Variants in RERE observed in about 807,000 individuals in gnomAD.
The protein encoded by RERE is arginine-glutamic acid dipeptide repeats, also known as arginine-glutamic acid dipeptide repeats protein.
Under a neutral mutation model 146.1 loss-of-function variants are expected in RERE, and 40 were observed. The ratio of observed to expected loss-of-function variants is 0.27; its 90% CI spans 0.21 to 0.36. The LOEUF is 0.36. RERE is among the 10% of genes least tolerant of loss of function. The probability of loss-of-function intolerance (pLI) is 1.00; values close to 1 mark genes in which losing one functional copy is unlikely to be tolerated. For missense variants in RERE, 1,933 were observed against 2,138.7 expected, an observed-to-expected ratio of 0.90 and a Z score of 1.90; for synonymous variants, 1,003 against 866.0, an observed-to-expected ratio of 1.16 and a Z score of -2.78.
intron 7 of RERE, chr1:8,525,917 G>C: frequency 7.2e-7 from 1 of 1,395,332 alleles, no homozygotes; most frequent in East Asian, 2.9e-5. Context: ...AGCTTTCACT[G>C]AGCTTGTGCT....
chr1:8,570,648 G>C (rs1570452872), intron 4 of RERE, among the ~76,000 whole-genome samples: 2 of 152,130 alleles, frequency 1.3e-5, no homozygotes, highest in Non-Finnish European at 2.9e-5. Context: ...GTGAAAAAAA[G>C]CAAATGACGT....
At chr1:8,468,304 A>T (rs1351127420) in intron 10 of RERE, among the ~76,000 whole-genome samples, 1 of 152,226 alleles carries the variant, frequency 6.6e-6, no homozygotes, top group Non-Finnish European at 1.5e-5. Context: ...CTTCTTTCAG[A>T]CGTATAAAAA....
At chr1:8,470,651 T>C (rs1387565182) in intron 10 of RERE, among the ~76,000 whole-genome samples, 1 of 152,050 alleles carries the variant, frequency 6.6e-6, no homozygotes, top group African/African-American at 2.4e-5. Context: ...CTGGCTGTTC[T>C]GGTGTGCCCT....
intron 1 of RERE, among the ~76,000 whole-genome samples, chr1:8,712,940 T>C (rs1014792697): frequency 1.3e-5 from 2 of 152,212 alleles, no homozygotes; most frequent in African/African-American, 4.8e-5. Context: ...TGGTTGCAGT[T>C]TGCAGTCAGC....
chr1:8,493,387 A>G (rs1645003438), intron 10 of RERE, among the ~76,000 whole-genome samples: 1 of 152,234 alleles, frequency 6.6e-6, no homozygotes, highest in South Asian at 2.1e-4. Flanking sequence ...CAAACACACA[A>G]TATTTATGAC....
At chr1:8,791,145 A>C (rs1641356329) in intron 1 of RERE, among the ~76,000 whole-genome samples, 1 of 152,218 alleles carries the variant, frequency 6.6e-6, no homozygotes, top group South Asian at 2.1e-4. Flanking sequence ...AATGACATGG[A>C]AAATCCCACT....
rs368768182 is a variant in RERE at position 8,366,101 on chromosome 1, G to A, written c.1285-127C>T. 12 of 997,228 alleles carry A rather than the reference G, an allele frequency of 1.2e-5. No homozygotes were observed. The Admixed American group carries it at 1.5e-4, about 13-fold the overall frequency. The allele number at this position is 997,228 out of a possible 1,614,324, so 61.8% of individuals were successfully genotyped here. A position where few individuals can be genotyped will look rare whatever the true frequency, so the allele number is the denominator to read the frequency against. On this transcript the variant is annotated intron_variant, in intron 12 of 22. Transcript: ENST00000400908. ...CCAGAGATGAGAATAAAGACCAGTCGCTCCTGGAGTTGGGAGAGGAACTGG... is the reference window on the plus strand; with the variant it reads ...CCAGAGATGAGAATAAAGACCAGTCACTCCTGGAGTTGGGAGAGGAACTGG...
intron 8 of RERE, among the ~76,000 whole-genome samples, chr1:8,501,556 G>A (rs1435936417): frequency 8.0e-6 from 1 of 124,792 alleles, no homozygotes; most frequent in Non-Finnish European, 1.7e-5. Context: ...CTGCCCGGTC[G>A]CCCCTACCGG....
intron 1 of RERE, among the ~76,000 whole-genome samples, chr1:8,801,539 G>C (rs1221879683): frequency 6.6e-6 from 1 of 151,910 alleles, no homozygotes; most frequent in Non-Finnish European, 1.5e-5. Context: ...AAAGTGCTGG[G>C]ATTACAGGTG....
chr1:8,712,088 T>C (rs993583140), intron 1 of RERE, among the ~76,000 whole-genome samples: 12 of 152,156 alleles, frequency 7.9e-5, no homozygotes, highest in Non-Finnish European at 1.6e-4. Flanking sequence ...CTCTAGAAAA[T>C]GCCAGAAGAC....
chr1:8,812,779 CCAA>C (rs1357351287), intron 1 of RERE, among the ~76,000 whole-genome samples: 2 of 152,148 alleles, frequency 1.3e-5, no homozygotes, highest in South Asian at 2.1e-4. Flanking sequence ...ACTTGGCACA[CCAA>C]CAAGTTAGCT....
intron 2 of RERE, among the ~76,000 whole-genome samples, chr1:8,626,622 T>C (rs1392438294): frequency 2.0e-5 from 3 of 152,138 alleles, no homozygotes; most frequent in Non-Finnish European, 2.9e-5. Context: ...AGCCCAGAGA[T>C]AACGTCCCCT....
intron 8 of RERE, among the ~76,000 whole-genome samples, chr1:8,500,655 C>G (rs1359029081): frequency 6.6e-6 from 1 of 152,116 alleles, no homozygotes; most frequent in Non-Finnish European, 1.5e-5. Flanking sequence ...TGAGGAGCGT[C>G]TCTGCCTGGC....
chr1:8,617,343 C>CAAAAAA lies in RERE; in HGVS notation c.397-2663_397-2658dup, dbSNP rs58933208. 4.0e-3 allele frequency among the ~76,000 whole-genome samples: 323 copies of CAAAAAA among 80,390 alleles called. 12 individuals carry two copies. The highest frequency in any genetic ancestry group is 0.016 in the African/African-American group (298 of 19,162). The allele number at this position is 80,390 out of a possible 152,430, so 52.7% of individuals were successfully genotyped here. On this transcript the variant is annotated intron_variant, in intron 3 of 22. Transcript: ENST00000400908. ...GGGTGACAAGAGTGAAACTCTGTCT[C>CAAAAAA]AAAAAAAAAAAAAAGAATTCCATCC... is the stretch of plus-strand genomic sequence containing the variant.
chr1:8,692,642 T>C (rs1639231286), intron 1 of RERE, among the ~76,000 whole-genome samples: 1 of 152,120 alleles, frequency 6.6e-6, no homozygotes, highest in Admixed American at 6.6e-5. Context: ...AGCCACCGTA[T>C]TCGGCCCGGT....
chr1:8,728,062 G>C (rs1640007988), intron 1 of RERE, among the ~76,000 whole-genome samples: 1 of 152,194 alleles, frequency 6.6e-6, no homozygotes, highest in African/African-American at 2.4e-5. Context: ...CTGCAGCTAA[G>C]CATCTGTCCT....
chr1:8,776,028 G>T (rs1405852252), intron 1 of RERE, among the ~76,000 whole-genome samples: 1 of 152,148 alleles, frequency 6.6e-6, no homozygotes, highest in Non-Finnish European at 1.5e-5. Context: ...TTGCTTAACT[G>T]AGAAATCTTT....
chr1:8,389,221 T>C (rs1642793553), intron 12 of RERE, among the ~76,000 whole-genome samples: 1 of 152,166 alleles, frequency 6.6e-6, no homozygotes, highest in South Asian at 2.1e-4. Context: ...GTCAACAGTC[T>C]CCAAATATAA....
chr1:8,414,567 A>G (rs1643710268), intron 12 of RERE, among the ~76,000 whole-genome samples: 1 of 152,116 alleles, frequency 6.6e-6, no homozygotes, highest in African/African-American at 2.4e-5. Flanking sequence ...AAATAAATAA[A>G]TAACATTTCA....
Sources: allele counts gnomAD v4.1 joint callset (sites outside exome capture counted in the v4.1 genomes callset), GRCh38; gene constraint gnomAD v4.1.1; transcripts MANE v1.5; gene names NCBI Gene and HGNC (gene_info 2026-07-23, HGNC 2026-07-21).